The following NOS1AP variants were observed in gnomAD, a reference collection of about 807,000 sequenced individuals.
NOS1AP encodes carboxyl-terminal PDZ ligand of neuronal nitric oxide synthase protein.
In NOS1AP, 21 loss-of-function variants were observed where a neutral mutation model predicts 56.2. The ratio of observed to expected loss-of-function variants is 0.37; its 90% CI spans 0.26 to 0.54. The LOEUF (loss-of-function observed/expected upper bound fraction) is 0.54, where lower values mean the gene tolerates loss of function less well. NOS1AP is among the 20% of genes least tolerant of loss of function. The pLI, the probability that NOS1AP is intolerant of heterozygous loss-of-function variation, is 0.84. For synonymous variants in NOS1AP, 270 were observed against 274.6 expected, an observed-to-expected ratio of 0.98 and a Z score of 0.17; for missense variants, 522 against 657.8, an observed-to-expected ratio of 0.79 and a Z score of 2.26.
At chr1:162,270,221 T>C (rs1654542893) in intron 2 of NOS1AP, among the ~76,000 whole-genome samples, 1 of 152,218 alleles carries the variant, frequency 6.6e-6, no homozygotes, top group Non-Finnish European at 1.5e-5. Context: ...GCCTCCTTAA[T>C]GATTTCCTTG....
intron 1 of NOS1AP, among the ~76,000 whole-genome samples, chr1:162,098,725 CAT>C (rs1692306951): frequency 6.6e-6 from 1 of 152,124 alleles, no homozygotes; most frequent in Admixed American, 6.5e-5. Context: ...CATGTGTTCT[CAT>C]CTTTCAGCTC....
At chr1:162,116,299 T>C (rs1647947305) in intron 1 of NOS1AP, among the ~76,000 whole-genome samples, 1 of 152,194 alleles carries the variant, frequency 6.6e-6, no homozygotes, top group African/African-American at 2.4e-5. Context: ...TTCCTAGCCC[T>C]TTCTGTCCAG....
chr1:162,255,103 A>G (rs976534450), intron 2 of NOS1AP, among the ~76,000 whole-genome samples: 1 of 152,344 alleles, frequency 6.6e-6, no homozygotes, highest in South Asian at 2.1e-4. Flanking sequence ...AGTTAAACAC[A>G]TTCACATCTC....
chr1:162,352,575 G>C (rs565881658), intron 6 of NOS1AP, among the ~76,000 whole-genome samples: 72 of 152,202 alleles, frequency 4.7e-4, no homozygotes, highest in African/African-American at 1.6e-3. Flanking sequence ...ATTTATTTCT[G>C]ACAGTTTTGG....
At chr1:162,199,600 G>A (rs980648517) in intron 2 of NOS1AP, among the ~76,000 whole-genome samples, 3 of 100,688 alleles carry the variant, frequency 3.0e-5, no homozygotes, top group African/African-American at 1.1e-4. Context: ...GATTGCGTGT[G>A]TGTGTGTGTG....
intron 2 of NOS1AP, among the ~76,000 whole-genome samples, chr1:162,208,596 C>A (rs1385101108): frequency 6.6e-6 from 1 of 152,140 alleles, no homozygotes; most frequent in African/African-American, 2.4e-5. Flanking sequence ...TGTCCCTGGC[C>A]TCTATCCATT....
chr1:162,270,786 A>G (rs1156427820), intron 2 of NOS1AP, among the ~76,000 whole-genome samples: 1 of 152,258 alleles, frequency 6.6e-6, no homozygotes, highest in African/African-American at 2.4e-5. Context: ...TCAAAATATC[A>G]CATGGAACTC....
chr1:162,169,049 G>A (rs1391421776), intron 2 of NOS1AP, among the ~76,000 whole-genome samples: 1 of 152,226 alleles, frequency 6.6e-6, no homozygotes, highest in Non-Finnish European at 1.5e-5. Flanking sequence ...AAAGAGTCTT[G>A]CACCCTTGGC....
intron 1 of NOS1AP, among the ~76,000 whole-genome samples, chr1:162,105,386 A>G (rs1050453015): frequency 6.6e-6 from 1 of 152,174 alleles, no homozygotes; most frequent in Non-Finnish European, 1.5e-5. Context: ...GAGGAATGGG[A>G]TCAGGGACCC....
At chr1:162,281,396 G>A (rs142484669) in intron 2 of NOS1AP, among the ~76,000 whole-genome samples, 3,173 of 152,144 alleles carry the variant, frequency 0.021, 46 homozygotes, top group Non-Finnish European at 0.032. Context: ...CTTTTCTTGG[G>A]TAGAAATATG....
intron 2 of NOS1AP, among the ~76,000 whole-genome samples, chr1:162,155,265 T>C (rs1649899886): frequency 1.4e-5 from 2 of 146,096 alleles, no homozygotes; most frequent in Non-Finnish European, 3.0e-5. Flanking sequence ...CATATATATA[T>C]ACACATACAT....
At chr1:162,137,262 A>C (rs1370028533) in intron 1 of NOS1AP, among the ~76,000 whole-genome samples, 1 of 152,186 alleles carries the variant, frequency 6.6e-6, no homozygotes, top group African/African-American at 2.4e-5. Flanking sequence ...TCAGCCTCTC[A>C]GCCACATTGA....
chr1:162,251,021 G>A (rs1034660153), intron 2 of NOS1AP, among the ~76,000 whole-genome samples: 3 of 152,110 alleles, frequency 2.0e-5, no homozygotes, highest in South Asian at 4.2e-4. Context: ...ACTTCCAGGG[G>A]AGGAGACTTT....
At chr1:162,345,684 C>A (rs1431032392) in intron 6 of NOS1AP, among the ~76,000 whole-genome samples, 1 of 152,178 alleles carries the variant, frequency 6.6e-6, no homozygotes, top group Non-Finnish European at 1.5e-5. Flanking sequence ...CTTTGCTTTG[C>A]ATTGTAGCTG....
chr1:162,095,458 T>C (rs553577850), intron 1 of NOS1AP, among the ~76,000 whole-genome samples: 1 of 152,216 alleles, frequency 6.6e-6, no homozygotes, highest in Non-Finnish European at 1.5e-5. Flanking sequence ...CCACCAAGTC[T>C]ATGGCATTAT....
intron 1 of NOS1AP, among the ~76,000 whole-genome samples, chr1:162,102,157 A>G (rs1039642742): frequency 6.6e-6 from 1 of 152,068 alleles, no homozygotes; most frequent in Admixed American, 6.6e-5. Context: ...ACGTGAAGGT[A>G]TGTTGAATTT....
intron 1 of NOS1AP, among the ~76,000 whole-genome samples, chr1:162,095,189 G>A (rs899171079): frequency 6.6e-6 from 1 of 152,156 alleles, no homozygotes; most frequent in African/African-American, 2.4e-5. Flanking sequence ...CCGAATTTTT[G>A]TGTTGAGGCC....
chr1:162,258,508 G>A (rs950376919), intron 2 of NOS1AP, among the ~76,000 whole-genome samples: 2 of 152,196 alleles, frequency 1.3e-5, no homozygotes, highest in African/African-American at 4.8e-5. Flanking sequence ...TCCTCTCTTG[G>A]TTTCTCGCAT....
chr1:162,281,926 C>A (rs1654944033), intron 2 of NOS1AP, among the ~76,000 whole-genome samples: 1 of 152,124 alleles, frequency 6.6e-6, no homozygotes, highest in Admixed American at 6.5e-5. Context: ...ATGGTGAAAC[C>A]CCGTTTCTAC....
Sources: allele counts gnomAD v4.1 joint callset (sites outside exome capture counted in the v4.1 genomes callset), GRCh38; gene constraint gnomAD v4.1.1; transcripts MANE v1.5; gene names NCBI Gene and HGNC (gene_info 2026-07-23, HGNC 2026-07-21).